Variants in ACAD10 observed in about 807,000 individuals in gnomAD.
ACAD10 encodes ACAD-10.
ACAD10 carries 112 observed loss-of-function variants against 116.8 expected under a neutral mutation model. The ratio of observed to expected loss-of-function variants is 0.96; its 90% CI spans 0.82 to 1.12. The LOEUF is 1.12. Among genes scored for constraint, ACAD10 ranks in the 50% most tolerant of loss-of-function variants. The pLI, the probability that ACAD10 is intolerant of heterozygous loss-of-function variation, is 0.00. For missense variants in ACAD10, 1,259 were observed against 1,350.2 expected (o/e 0.93, Z 1.06); for synonymous variants, 486 against 510.6 (o/e 0.95, Z 0.65).
At chr12:111,724,816 G>A (rs1220293042) in intron 8 of ACAD10, among the ~76,000 whole-genome samples, 1 of 148,838 alleles carries the variant, frequency 6.7e-6, no homozygotes, top group East Asian at 2.0e-4. Context: ...TGGAAAGAGA[G>A]GGAGAGGGAG....
At chr12:111,709,432 C>A in intron 4 of ACAD10, 94 bp from the exon 5 acceptor site, 1 of 1,044,528 alleles carries the variant, frequency 9.6e-7, no homozygotes, top group East Asian at 2.8e-5. Context: ...CTCAACTGTC[C>A]TTCTTATGCT....
chr12:111,744,063 A>G (rs1268710654), intron 12 of ACAD10, among the ~76,000 whole-genome samples: 3 of 151,966 alleles, frequency 2.0e-5, no homozygotes, highest in Non-Finnish European at 2.9e-5. Context: ...AATTTTTTTT[A>G]ATGGGGAAAA....
intron 8 of ACAD10, among the ~76,000 whole-genome samples, chr12:111,726,688 C>T (rs1271344481): frequency 2.0e-5 from 3 of 151,568 alleles, no homozygotes; most frequent in South Asian, 4.2e-4. Context: ...AGTGAAACAC[C>T]GTCTCTACTA....
chr12:111,741,017 C>T (rs1371513114), intron 12 of ACAD10, among the ~76,000 whole-genome samples: 2 of 151,948 alleles, frequency 1.3e-5, no homozygotes, highest in Non-Finnish European at 2.9e-5. Flanking sequence ...ATCATTCATT[C>T]CCAAGTATAT....
At position 111,753,836 on chromosome 12, in the gene ACAD10, C is replaced by T. The variant is rs146750873; in HGVS notation, c.2882C>T (p.Ala961Val). 30 of 1,614,012 alleles carry T rather than the reference C, an allele frequency of 1.9e-5. No individual in the cohort carries two copies. Among genetic ancestry groups the T allele is most frequent in the Non-Finnish European group, 2.4e-5 (28 of 1,180,048 alleles). ...VEQGTVLADI[A>V]QSRVEIEQAR... ...CAGGGCACAGTGCTGGCGGACATCGCGCAGTCGCGCGTGGAGATTGAGCAG... is the reference window on the plus strand; with the variant it reads ...CAGGGCACAGTGCTGGCGGACATCGTGCAGTCGCGCGTGGAGATTGAGCAG... Residue 961 changes from alanine (A) to valine (V), a missense_variant, in exon 19 of 21, where the codon GCG becomes GTG. Coordinates refer to ENST00000313698, the MANE Select transcript of ACAD10 (RefSeq NM_025247.6).
chr12:111,710,577 C>T (rs1888648051), intron 5 of ACAD10, among the ~76,000 whole-genome samples: 1 of 151,862 alleles, frequency 6.6e-6, no homozygotes, highest in Admixed American at 6.6e-5. Context: ...TCACTGTAAC[C>T]TCTGCCTCCC....
At chr12:111,730,248 T>C (rs1255769992) in intron 10 of ACAD10, among the ~76,000 whole-genome samples, 1 of 152,052 alleles carries the variant, frequency 6.6e-6, no homozygotes, top group African/African-American at 2.4e-5. Context: ...CAACCAAAAA[T>C]CTTCGCAGAC....
rs1404669176 is a variant in ACAD10, at chr12:111,753,862, G to T, written c.2908G>T (p.Ala970Ser). The T allele has an allele frequency of 1.2e-6, 2 of 1,613,366 alleles. No individual in the cohort carries two copies. Among genetic ancestry groups the T allele is most frequent in the South Asian group, 1.1e-5 (1 of 91,054 alleles). The change falls in exon 19 of 21, where the codon GCA (alanine) becomes TCA (serine). Residue 970 changes from alanine to serine, a missense_variant. By Grantham distance (99) the Ala-to-Ser change is moderately conservative. Coordinates refer to ENST00000313698, the MANE Select transcript of ACAD10 (RefSeq NM_025247.6). ...GCAGTCGCGCGTGGAGATTGAGCAG[G>T]CACGGCTGCTGGTGCTGAGAGCTGC... ...IAQSRVEIEQ[A>S]RLLVLRAAHL...
chr12:111,747,689 C>G, intron 16 of ACAD10: 1 of 1,172,754 alleles, frequency 8.5e-7, no homozygotes, highest in Non-Finnish European at 1.1e-6. Flanking sequence ...CTTTGGGCAG[C>G]TCCCCTTCCT....
chr12:111,697,105 G>A (rs550731329), intron 2 of ACAD10, among the ~76,000 whole-genome samples: 1 of 151,494 alleles, frequency 6.6e-6, no homozygotes, highest in African/African-American at 2.4e-5. Context: ...ATTGGGCATG[G>A]TAGTCCATGC....
intron 7 of ACAD10, among the ~76,000 whole-genome samples, chr12:111,719,422 T>G (rs900128018): frequency 3.3e-5 from 5 of 151,322 alleles, no homozygotes; most frequent in Admixed American, 6.6e-5. Context: ...CCTGGCTAAT[T>G]TTTGTATTTT....
At chr12:111,720,892 T>C (rs974707807) in intron 7 of ACAD10, among the ~76,000 whole-genome samples, 2 of 152,230 alleles carry the variant, frequency 1.3e-5, no homozygotes, top group Admixed American at 1.3e-4. Flanking sequence ...CAAGTGATTC[T>C]CATGCTTCAG....
intron 11 of ACAD10, among the ~76,000 whole-genome samples, chr12:111,735,974 G>T (rs1031548881): frequency 4.5e-4 from 69 of 151,654 alleles, no homozygotes; most frequent in Non-Finnish European, 7.4e-5. Flanking sequence ...CTGCCTCCCG[G>T]GTTCAAGCGA....
intron 12 of ACAD10, 183 bp from the exon 13 acceptor site, chr12:111,744,460 G>C (rs1018184843): frequency 2.8e-5 from 20 of 711,572 alleles, no homozygotes; most frequent in Admixed American, 6.0e-5. Flanking sequence ...GCAAAGTGCA[G>C]GTGAAAGCAG....
Position 111,746,266 on chromosome 12 carries a change from G to A in ACAD10, c.2238G>A (p.Thr746=), listed in dbSNP as rs1043173510. ...EYAHLCELMG[T]SLYAPEVCNC... ...CACATCTGTGTGAGCTCATGGGCAC[G>A]TCCCTGTATGCCCCCGAGGTACCTT... Residue 746 remains threonine (T), a synonymous_variant, in exon 14 of 21, where the codon ACG becomes ACA. Transcript: ENST00000313698. The A allele has an allele frequency of 3.7e-6, 6 of 1,612,626 alleles. No individual in the cohort carries two copies. The highest frequency in any genetic ancestry group is 2.2e-5 in the East Asian group (1 of 44,798).
rs1593054847 is a variant in ACAD10 at position 111,748,738 on chromosome 12, G to A, written c.2644+263G>A. ...GTCTGTGACACAGGAAGCCATACAGGGCAGACGCAGGAAGTGGACCCCAAA... is the reference window on the plus strand; with the variant it reads ...GTCTGTGACACAGGAAGCCATACAGAGCAGACGCAGGAAGTGGACCCCAAA... On this transcript the variant is annotated intron_variant, in intron 17 of 20. Coordinates refer to ENST00000313698, the MANE Select transcript of ACAD10 (RefSeq NM_025247.6). 1.2e-5 allele frequency: 7 copies of A among 564,642 alleles called. No homozygotes were observed. The East Asian group carries it at 2.0e-4, about 16-fold the overall frequency. The allele number at this position is 564,642 out of a possible 1,614,324, so 35.0% of individuals were successfully genotyped here. A position where few individuals can be genotyped will look rare whatever the true frequency, so the allele number is the denominator to read the frequency against.
intron 2 of ACAD10, among the ~76,000 whole-genome samples, chr12:111,700,526 G>A (rs536047470): frequency 3.3e-5 from 5 of 152,140 alleles, no homozygotes; most frequent in African/African-American, 1.2e-4. Context: ...TTACGCTCCC[G>A]TCAACAGCAT....
At chr12:111,745,588 T>C (rs1041174498) in intron 13 of ACAD10, 1 of 157,820 alleles carries the variant, frequency 6.3e-6, no homozygotes, top group Non-Finnish European at 1.4e-5. Flanking sequence ...TTTTTTCTCT[T>C]TTTTTTTGAG....
intron 2 of ACAD10, among the ~76,000 whole-genome samples, chr12:111,695,205 G>A (rs776620997): frequency 6.6e-6 from 1 of 152,260 alleles, no homozygotes; most frequent in Non-Finnish European, 1.5e-5. Context: ...CCCCAGGCAT[G>A]CCAGGCACAT....
Sources: gnomAD v4.1 joint callset for allele counts (sites outside exome capture counted in the v4.1 genomes callset) on GRCh38, gnomAD v4.1.1 for gene constraint, MANE v1.5 for transcripts, NCBI Gene and HGNC (gene_info 2026-07-23, HGNC 2026-07-21) for gene names.